The following GRAMD4 variants were observed in gnomAD, a reference collection of about 807,000 sequenced individuals.
GRAMD4 encodes the protein GRAM domain-containing protein 4.
Under a neutral mutation model 83.9 loss-of-function variants are expected in GRAMD4, and 25 were observed. That is an observed-to-expected ratio of 0.30 (90% CI 0.22 to 0.42). The LOEUF (loss-of-function observed/expected upper bound fraction) is 0.42, where lower values mean the gene tolerates loss of function less well. Ranked by LOEUF, GRAMD4 falls within the 10% of genes least tolerant of loss-of-function variation. The pLI is 1.00. For missense variants in GRAMD4, 593 were observed against 788.7 expected, an observed-to-expected ratio of 0.75 and a Z score of 2.97; for synonymous variants, 336 against 320.9, an observed-to-expected ratio of 1.05 and a Z score of -0.50.
exon 1 of GRAMD4, chr22:46,577,170 T>G (rs1408622822): frequency 2.0e-6 from 1 of 488,458 alleles, no homozygotes; most frequent in African/African-American, 2.2e-5. Context: ...CGGGGCCGCC[T>G]CCTCCCGGCT....
At chr22:46,616,679 T>TGTGTGTGTAGGTTCCC (rs1569262986), upstream of GRAMD4, among the ~76,000 whole-genome samples, 15 of 110,056 alleles carry the variant, frequency 1.4e-4, no homozygotes, top group Non-Finnish European at 1.1e-4. Flanking sequence ...TAGGTTCCCC[T>TGTGTGTGTAGGTTCCC]GTGCGTGTAG....
intron 1 of GRAMD4, among the ~76,000 whole-genome samples, chr22:46,577,537 G>T (rs1006123662): frequency 2.0e-5 from 3 of 150,462 alleles, no homozygotes; most frequent in East Asian, 3.9e-4. Context: ...TCCGGGTTCT[G>T]CCCGCCGGCT....
At chr22:46,613,301 C>T (rs552745845) in intron 1 of GRAMD4, among the ~76,000 whole-genome samples, 17 of 152,334 alleles carry the variant, frequency 1.1e-4, no homozygotes, top group African/African-American at 3.1e-4. Flanking sequence ...CCGGCTGCCG[C>T]GACCCACTGC....
Position 46,672,717 on chromosome 22 carries a change from T to G in GRAMD4, c.1085-126T>G. 1.4e-6 allele frequency: 1 copy of G among 707,986 alleles called. No homozygotes were observed. Among genetic ancestry groups the G allele is most frequent in the Non-Finnish European group, 2.4e-6 (1 of 414,852 alleles). The allele number at this position is 707,986 out of a possible 1,614,324, so 43.9% of individuals were successfully genotyped here. ...GTGAGGACTGAGCGAGCAGCTGGAC[T>G]CTCACATCCAGGCTCAGGGTGGAGG... On this transcript the variant is annotated intron_variant, in intron 13 of 18. Coordinates refer to ENST00000406902, the MANE Select transcript of GRAMD4 (RefSeq NM_015124.5). This position sits in a 1 kb window ranked among gnomAD's most constrained non-coding sequence, Gnocchi z 4.7.
chr22:46,674,881 C>T lies in GRAMD4; in HGVS notation c.1478+131C>T, dbSNP rs532420815. 7 of 697,306 alleles carry T rather than the reference C, an allele frequency of 1.0e-5. No individual in the cohort carries two copies. In the South Asian group the frequency reaches 1.1e-4, roughly 11 times the overall value. 43.2% of individuals were successfully genotyped at this position (697,306 alleles called of 1,614,324 possible). A position where few individuals can be genotyped will look rare whatever the true frequency, so the allele number is the denominator to read the frequency against. On this transcript the variant is annotated intron_variant, in intron 16 of 18. Coordinates refer to ENST00000406902, the MANE Select transcript of GRAMD4 (RefSeq NM_015124.5). ...TGGCCATGGCCTCTCCCATGCTCTG[C>T]TCTTGCCGGCTGTCTGGGCTCCCAG...
chr22:46,679,639 T>C lies in GRAMD4; in HGVS notation c.*2388T>C. 5 of 983,792 alleles carry C rather than the reference T, an allele frequency of 5.1e-6. No homozygotes were observed. Among genetic ancestry groups the C allele is most frequent in the South Asian group, 4.7e-5 (1 of 21,266 alleles). 60.9% of individuals were successfully genotyped at this position (983,792 alleles called of 1,614,324 possible). A position where few individuals can be genotyped will look rare whatever the true frequency, so the allele number is the denominator to read the frequency against. On this transcript the variant is annotated 3_prime_UTR_variant, in exon 19 of 19. Coordinates refer to ENST00000406902, the MANE Select transcript of GRAMD4 (RefSeq NM_015124.5). ...AAATAATCATTGCCAGTGTGACTTT[T>C]GTTCAACAAAAGGATTGTACTGTAT...
chr22:46,677,263 C>T lies in GRAMD4; in HGVS notation c.*12C>T. On this transcript the variant is annotated 3_prime_UTR_variant, in exon 19 of 19. Coordinates refer to ENST00000406902, the MANE Select transcript of GRAMD4 (RefSeq NM_015124.5). ...GCGGGGACAGCTAGTATTGACTTGC[C>T]CAGGACGTTGCTGGAATTTTCTTTT... The T allele has an allele frequency of 6.3e-7, 1 of 1,578,854 alleles. No homozygotes were observed. The highest frequency in any genetic ancestry group is 2.2e-5 in the East Asian group (1 of 44,782).
chr22:46,595,871 C>T (rs370548593), intron 1 of GRAMD4, among the ~76,000 whole-genome samples: 2 of 152,222 alleles, frequency 1.3e-5, no homozygotes, highest in East Asian at 3.8e-4. Flanking sequence ...TGTTTCTGTA[C>T]CCTGGCCACC....
At chr22:46,601,212 C>A (rs1054591852) in intron 1 of GRAMD4, among the ~76,000 whole-genome samples, 5 of 152,034 alleles carry the variant, frequency 3.3e-5, no homozygotes, top group African/African-American at 1.2e-4. Flanking sequence ...TGTAGCTCTC[C>A]TCGGGGTGTG....
rs1306242245 is a variant in GRAMD4, at chr22:46,677,216, A to G, written c.1702A>G (p.Ile568Val). Residue 568 changes from isoleucine (I) to valine (V), a missense_variant, in exon 19 of 19, where the codon ATC becomes GTC. Coordinates refer to ENST00000406902, the MANE Select transcript of GRAMD4 (RefSeq NM_015124.5). ...GACCATTCTCAGCCAGTACATCAAG[A>G]TCACCTCAGCGGCAGCGTCTGGCGG... ...FETILSQYIK[I>V]TSAAASGGDS 6.2e-7 allele frequency: 1 copy of G among 1,613,582 alleles called. No homozygotes were observed. Among genetic ancestry groups the G allele is most frequent in the South Asian group, 1.1e-5 (1 of 91,076 alleles).
chr22:46,619,313 G>T (rs1255804663), upstream of GRAMD4, among the ~76,000 whole-genome samples: 1 of 152,172 alleles, frequency 6.6e-6, no homozygotes, highest in South Asian at 2.1e-4. Flanking sequence ...GTATGTGGCT[G>T]TAAGCATGGG....
intron 3 of GRAMD4, among the ~76,000 whole-genome samples, chr22:46,645,647 A>T (rs1437160918): frequency 2.6e-5 from 4 of 152,224 alleles, no homozygotes; most frequent in Non-Finnish European, 4.4e-5. Flanking sequence ...AGCGTGCCGC[A>T]GCCTTCTCTG....
intron 1 of GRAMD4, among the ~76,000 whole-genome samples, chr22:46,594,368 AT>A: frequency 6.6e-6 from 1 of 151,526 alleles, no homozygotes. Flanking sequence ...TGGGGTGGGT[AT>A]GGTGGGTGAT....
At chr22:46,682,291 CAT>C (rs899667885), downstream of GRAMD4, 28 of 315,524 alleles carry the variant, frequency 8.9e-5, no homozygotes, top group East Asian at 1.7e-4. Context: ...CTCTCTACCA[CAT>C]GTCACAGCTG....
intron 3 of GRAMD4, among the ~76,000 whole-genome samples, chr22:46,653,986 C>G (rs1006917644): frequency 1.3e-5 from 2 of 152,248 alleles, no homozygotes; most frequent in African/African-American, 4.8e-5. Flanking sequence ...CCCTCCCCAG[C>G]TGGCTCCGAA....
At chr22:46,594,851 C>G (rs1340383794) in intron 1 of GRAMD4, among the ~76,000 whole-genome samples, 9 of 152,052 alleles carry the variant, frequency 5.9e-5, no homozygotes, top group Non-Finnish European at 1.3e-4. Flanking sequence ...CCCACATGTT[C>G]TGAAGCGCTC....
chr22:46,592,748 G>A lies in GRAMD4; in HGVS notation c.-50+15458G>A, dbSNP rs183833056. ...GTCGGCTGATTTGTTGGCTGACACC[G>A]CGCCCGGCACCTCCAGGATGTGGCC... On this transcript the variant is annotated intron_variant, in intron 1 of 1. Transcript: ENST00000431155. Among the ~76,000 whole-genome samples the A allele has an allele frequency of 1.2e-3, 180 of 152,224 alleles. 1 individual carries two copies. The highest frequency in any genetic ancestry group is 4.9e-3 in the Admixed American group (75 of 15,282).
chr22:46,663,907 G>T (rs1345541357), intron 7 of GRAMD4, 44 bp downstream of exon 7: 1 of 1,608,558 alleles, frequency 6.2e-7, no homozygotes, highest in Non-Finnish European at 8.5e-7. Context: ...TGCTCAGTGT[G>T]GGTGGGGCCC....
At chr22:46,649,734 T>C (rs1051419485) in intron 3 of GRAMD4, among the ~76,000 whole-genome samples, 1 of 152,228 alleles carries the variant, frequency 6.6e-6, no homozygotes, top group Admixed American at 6.5e-5. Flanking sequence ...CACATAGCGG[T>C]AAATGACACC....
Sources: allele counts gnomAD v4.1 joint callset (sites outside exome capture counted in the v4.1 genomes callset), GRCh38; gene constraint gnomAD v4.1.1; non-coding constraint Gnocchi (gnomAD v3.1); transcripts MANE v1.5; gene names NCBI Gene and HGNC (gene_info 2026-07-23, HGNC 2026-07-21).